DGKB: variants seen among roughly 807,000 people sequenced by gnomAD.
DGKB encodes 90 kDa diacylglycerol kinase.
In DGKB, 67 loss-of-function variants were observed where a neutral mutation model predicts 114.3. The ratio of observed to expected loss-of-function variants is 0.59; its 90% CI spans 0.48 to 0.72. DGKB has a LOEUF of 0.72. Ranked by LOEUF, DGKB falls within the 30% of genes least tolerant of loss-of-function variation. The pLI, the probability that DGKB is intolerant of heterozygous loss-of-function variation, is 0.00. For missense variants in DGKB, 907 were observed against 975.2 expected (o/e 0.93, Z 0.93); for synonymous variants, 398 against 323.1 (o/e 1.23, Z -2.49).
intron 1 of DGKB, among the ~76,000 whole-genome samples, chr7:14,951,445 G>A (rs774496108): frequency 9.9e-5 from 15 of 152,012 alleles, no homozygotes; most frequent in African/African-American, 1.2e-4. Flanking sequence ...ATAAGATCCC[G>A]GAAAAGGCTA....
At chr7:14,482,512 G>A (rs893636197) in intron 20 of DGKB, among the ~76,000 whole-genome samples, 2 of 151,926 alleles carry the variant, frequency 1.3e-5, no homozygotes, top group African/African-American at 4.8e-5. Context: ...TTAACTCAAG[G>A]AAAGATAAAT....
At chr7:14,476,841 G>A (rs746561040) in intron 21 of DGKB, among the ~76,000 whole-genome samples, 6 of 148,124 alleles carry the variant, frequency 4.1e-5, no homozygotes, top group South Asian at 2.1e-4. Context: ...TGCAACCTCC[G>A]CCTCCAGGGT....
intron 23 of DGKB, among the ~76,000 whole-genome samples, chr7:14,226,922 T>C (rs373328840): frequency 4.6e-5 from 7 of 152,032 alleles, no homozygotes; most frequent in African/African-American, 1.7e-4. Context: ...TTTATCTATT[T>C]AATGGGGGTC....
intron 13 of DGKB, among the ~76,000 whole-genome samples, chr7:14,655,166 G>A (rs1163703868): frequency 2.0e-5 from 3 of 151,658 alleles, no homozygotes; most frequent in Non-Finnish European, 4.4e-5. Context: ...AATATACAAG[G>A]AACTCAAACA....
chr7:14,655,498 T>C (rs28799689), intron 13 of DGKB, among the ~76,000 whole-genome samples: 3,311 of 151,758 alleles, frequency 0.022, 118 homozygotes, highest in African/African-American at 0.076. Context: ...AAACTAAAAA[T>C]AGAAATATCA....
rs1450548140 is a variant in DGKB, at chr7:14,148,530, G to GA, written c.*600dup. ...AACCGCGTTCTATTTTTCAGCATGA[G>GA]AAAACCTTATGCCTGATATTTTTAT... On this transcript the variant is annotated 3_prime_UTR_variant, in exon 26 of 26. Coordinates refer to ENST00000402815, the MANE Select transcript of DGKB (RefSeq NM_001350709.2). 1 of 152,446 alleles carries GA rather than the reference G, an allele frequency of 6.6e-6. No individual in the cohort carries two copies. The highest frequency in any genetic ancestry group is 1.5e-5 in the Non-Finnish European group (1 of 68,014). 9.4% of individuals were successfully genotyped at this position (152,446 alleles called of 1,614,324 possible).
At chr7:14,962,810 T>C (rs778974376) in intron 1 of DGKB, among the ~76,000 whole-genome samples, 10 of 152,134 alleles carry the variant, frequency 6.6e-5, no homozygotes, top group Non-Finnish European at 1.2e-4. Flanking sequence ...ATGTCACAGC[T>C]ACTAATGTAT....
chr7:14,794,326 T>C (rs1841102040), intron 2 of DGKB, among the ~76,000 whole-genome samples: 1 of 152,142 alleles, frequency 6.6e-6, no homozygotes, highest in Admixed American at 6.6e-5. Flanking sequence ...GGAGCACTGA[T>C]AGACTAGGGC....
intron 1 of DGKB, among the ~76,000 whole-genome samples, chr7:14,949,812 T>G (rs888550720): frequency 1.3e-5 from 2 of 152,004 alleles, no homozygotes; most frequent in Non-Finnish European, 2.9e-5. Context: ...GGGACATGGA[T>G]GAAGCTGGAA....
intron 17 of DGKB, among the ~76,000 whole-genome samples, chr7:14,596,573 T>C (rs1563629949): frequency 6.6e-6 from 1 of 152,176 alleles, no homozygotes; most frequent in East Asian, 1.9e-4. Flanking sequence ...CCACATATTA[T>C]AAGTCTCAGG....
intron 23 of DGKB, among the ~76,000 whole-genome samples, chr7:14,338,225 T>G (rs1811023413): frequency 6.6e-6 from 1 of 152,120 alleles, no homozygotes; most frequent in African/African-American, 2.4e-5. Flanking sequence ...TCAGAAGAGC[T>G]TAATATACAA....
At position 14,661,024 on chromosome 7, in the gene DGKB, C is replaced by A. The variant is rs551792752; in HGVS notation, c.1134+11905G>T. Reference sequence around the variant, plus strand: ...ATATTTAGAAAGCTGAAACTGGATCCCTTCCTTACACCTTATACAAAAATC... The same window carrying A: ...ATATTTAGAAAGCTGAAACTGGATCACTTCCTTACACCTTATACAAAAATC... On this transcript the variant is annotated intron_variant, in intron 13 of 25. Transcript: ENST00000402815. 1.5e-4 allele frequency among the ~76,000 whole-genome samples: 23 copies of A among 149,432 alleles called. No individual in the cohort carries two copies. In the South Asian group the frequency reaches 1.9e-3, roughly 12 times the overall value.
At chr7:14,967,225 G>T (rs1787205597) in intron 1 of DGKB, among the ~76,000 whole-genome samples, 1 of 152,018 alleles carries the variant, frequency 6.6e-6, no homozygotes, top group African/African-American at 2.4e-5. Flanking sequence ...AAATCTAGGA[G>T]GATTTCAAAA....
At position 14,884,841 on chromosome 7, in the gene DGKB, C is replaced by A. The variant is rs115434188; in HGVS notation, c.-188+17751G>T. Among the ~76,000 whole-genome samples, 442 of 152,102 alleles carry A rather than the reference C, an allele frequency of 2.9e-3. 2 individuals carry two copies. The highest frequency in any genetic ancestry group is 9.9e-3 in the African/African-American group (412 of 41,534). ...ATACTAAATATTCTCTTTCATGCCACTTTTTGTTAAGAAGCCAATGATTAG... is the reference window on the plus strand; with the variant it reads ...ATACTAAATATTCTCTTTCATGCCAATTTTTGTTAAGAAGCCAATGATTAG... On this transcript the variant is annotated intron_variant, in intron 1 of 25. Coordinates refer to ENST00000402815, the MANE Select transcript of DGKB (RefSeq NM_001350709.2).
At position 14,913,174 on chromosome 7, in the gene DGKB, T is replaced by C. The variant is rs1170999220; in HGVS notation, c.-188+61522A>G. On this transcript the variant is annotated intron_variant, in intron 1 of 4. Transcript: ENST00000437998. ...AGTACTCAAGATGTCTTCTCTGCCC[T>C]GAAAGATTGATGGCGATGTGACCTT... 4.6e-5 allele frequency among the ~76,000 whole-genome samples: 7 copies of C among 152,018 alleles called. No homozygotes were observed. In the East Asian group the frequency reaches 1.4e-3, roughly 29 times the overall value.
rs1040939160 is a variant in DGKB at position 14,308,351 on chromosome 7, C to A, written c.2122+30164G>T. Among the ~76,000 whole-genome samples the A allele has an allele frequency of 1.3e-5, 2 of 151,898 alleles. 1 individual carries two copies. Among genetic ancestry groups the A allele is most frequent in the Admixed American group, 1.3e-4 (2 of 15,232 alleles). The stretch of plus-strand genomic sequence containing the variant: ...TATATAATTTGTTTTCTGTACTTAG[C>A]AATTTGTAATAGGTGTTTTCTATAA... On this transcript the variant is annotated intron_variant, in intron 23 of 25. Transcript: ENST00000402815.
chr7:14,550,969 G>A (rs998300533), intron 20 of DGKB, among the ~76,000 whole-genome samples: 7 of 152,264 alleles, frequency 4.6e-5, no homozygotes, highest in Admixed American at 1.3e-4. Flanking sequence ...TGTGAGCATT[G>A]CTAAATTTCT....
intron 9 of DGKB, among the ~76,000 whole-genome samples, chr7:14,693,214 C>T (rs1034823957): frequency 5.9e-5 from 9 of 151,956 alleles, no homozygotes; most frequent in African/African-American, 2.2e-4. Context: ...TCTTTCCACC[C>T]CTAATGTTCT....
At position 14,455,212 on chromosome 7, in the gene DGKB, T is replaced by C. The variant is rs564505473; in HGVS notation, c.1835+22949A>G. ...TTAAAAATCACAGACATAACTTCAA[T>C]ATGAATTTTATTACTGGTTATCTGC... is the stretch of plus-strand genomic sequence containing the variant. On this transcript the variant is annotated intron_variant, in intron 21 of 25. Transcript: ENST00000402815. Among the ~76,000 whole-genome samples, 23 of 152,132 alleles carry C rather than the reference T, an allele frequency of 1.5e-4. No homozygotes were observed. The Middle Eastern group carries it at 0.01, about 67-fold the overall frequency.
Sources: allele counts gnomAD v4.1 joint callset (sites outside exome capture counted in the v4.1 genomes callset), GRCh38; gene constraint gnomAD v4.1.1; transcripts MANE v1.5; gene names NCBI Gene and HGNC (gene_info 2026-07-23, HGNC 2026-07-21).